Variants in BNC2 observed in about 807,000 individuals in gnomAD.
The protein encoded by BNC2 is zinc finger protein basonuclin-2.
A neutral mutation model predicts 76.3 loss-of-function variants in BNC2; 20 were observed. The observed-to-expected ratio is 0.26, with a 90% CI of 0.18 to 0.38. The LOEUF is 0.38. BNC2 is among the 10% of genes least tolerant of loss of function. The pLI is 1.00. For synonymous variants in BNC2, 582 were observed against 514.8 expected (o/e 1.13, Z -1.77); for missense variants, 1,382 against 1,399.8 (o/e 0.99, Z 0.20).
At chr9:16,731,581 A>C (rs184930184) in intron 2 of BNC2, among the ~76,000 whole-genome samples, 1 of 152,354 alleles carries the variant, frequency 6.6e-6, no homozygotes, top group African/African-American at 2.4e-5. Context: ...GATGTTGATG[A>C]TGTTTTAACG....
At chr9:16,803,759 A>C (rs1415322279) in intron 1 of BNC2, among the ~76,000 whole-genome samples, 1 of 152,200 alleles carries the variant, frequency 6.6e-6, no homozygotes, top group Non-Finnish European at 1.5e-5. Context: ...ATGAAATTGG[A>C]AGCACAGAAT....
At chr9:16,631,164 C>T (rs563345510) in intron 3 of BNC2, among the ~76,000 whole-genome samples, 2 of 152,146 alleles carry the variant, frequency 1.3e-5, no homozygotes, top group African/African-American at 4.8e-5. Flanking sequence ...ATCCTCTCCC[C>T]GATACCCAGT....
At chr9:16,736,762 C>T (rs1345907615) in intron 2 of BNC2, among the ~76,000 whole-genome samples, 1 of 151,396 alleles carries the variant, frequency 6.6e-6, no homozygotes, top group Non-Finnish European at 1.5e-5. Context: ...GTATGAGCCA[C>T]TGGGCCCGAC....
chr9:16,475,235 T>C (rs1162797607), intron 5 of BNC2, among the ~76,000 whole-genome samples: 2 of 152,258 alleles, frequency 1.3e-5, no homozygotes, highest in African/African-American at 2.4e-5. Context: ...ATGATCTTAC[T>C]GTACATATAA....
At chr9:16,451,902 G>A (rs1366896682) in intron 5 of BNC2, among the ~76,000 whole-genome samples, 1 of 152,162 alleles carries the variant, frequency 6.6e-6, no homozygotes, top group Non-Finnish European at 1.5e-5. Flanking sequence ...TAGGACTTGG[G>A]AGGCAGCTTA....
chr9:16,499,700 T>C (rs1822478753), intron 5 of BNC2, among the ~76,000 whole-genome samples: 1 of 151,764 alleles, frequency 6.6e-6, no homozygotes, highest in African/African-American at 2.4e-5. Context: ...TGGCTAACTT[T>C]TTGAATTTTT....
intron 4 of BNC2, among the ~76,000 whole-genome samples, chr9:16,582,421 G>A (rs530561072): frequency 9.9e-5 from 15 of 152,126 alleles, no homozygotes; most frequent in Admixed American, 6.5e-4. Context: ...CTCTACCTAC[G>A]TCGACCACCT....
chr9:16,455,715 C>T (rs1211520281), intron 5 of BNC2, among the ~76,000 whole-genome samples: 1 of 151,890 alleles, frequency 6.6e-6, no homozygotes, highest in Non-Finnish European at 1.5e-5. Flanking sequence ...TCGCTTGAAC[C>T]CAGGAGATGG....
At chr9:16,523,641 C>G (rs1817693665) in intron 5 of BNC2, among the ~76,000 whole-genome samples, 1 of 151,996 alleles carries the variant, frequency 6.6e-6, no homozygotes, top group Non-Finnish European at 1.5e-5. Flanking sequence ...TTAAAAGAAT[C>G]TTTTGGCCCA....
chr9:16,742,737 C>A (rs1304915033), intron 1 of BNC2, among the ~76,000 whole-genome samples: 1 of 152,144 alleles, frequency 6.6e-6, no homozygotes, highest in Non-Finnish European at 1.5e-5. Context: ...ATAAACAGGT[C>A]TCCCTACAGT....
chr9:16,479,179 G>A (rs1440701560), intron 5 of BNC2, among the ~76,000 whole-genome samples: 2 of 151,502 alleles, frequency 1.3e-5, no homozygotes, highest in Non-Finnish European at 2.9e-5. Context: ...TTGAATCTGG[G>A]AGGCGGAGGC....
intron 3 of BNC2, among the ~76,000 whole-genome samples, chr9:16,686,048 T>A (rs773720468): frequency 1.7e-4 from 25 of 151,340 alleles, no homozygotes; most frequent in African/African-American, 4.8e-4. Context: ...TGTAGGAATT[T>A]AAAAAAAAAT....
intron 3 of BNC2, among the ~76,000 whole-genome samples, chr9:16,725,253 G>A (rs1171227670): frequency 7.8e-6 from 1 of 127,600 alleles, no homozygotes; most frequent in South Asian, 2.9e-4. Context: ...ACACACACGT[G>A]CTGAATCAGC....
chr9:16,794,439 G>A (rs1234197314), intron 1 of BNC2, among the ~76,000 whole-genome samples: 1 of 152,182 alleles, frequency 6.6e-6, no homozygotes, highest in Non-Finnish European at 1.5e-5. Context: ...CAGCCACCTG[G>A]GAAGAGAGAG....
chr9:16,580,061 C>G (rs1819588461), intron 4 of BNC2: 2 of 398,304 alleles, frequency 5.0e-6, no homozygotes, highest in Non-Finnish European at 8.8e-6. Flanking sequence ...TGCCCCACAC[C>G]CAGGACACTG....
Position 16,436,519 on chromosome 9 carries a change from C to A in BNC2, c.1675G>T (p.Val559Leu). The stretch of plus-strand genomic sequence containing the variant: ...TGTACAGTCTTTAGCCCAGAAAATA[C>A]TAGCTGGCTAGGGAGAGGATTTTGC... Reference protein sequence around the residue: ...VLQNPLPSQLVFSGLKTVQPV... With the variant: ...VLQNPLPSQLLFSGLKTVQPV... The change falls in exon 6 of 7, where the codon GTA becomes TTA. Residue 559 changes from valine (V) to leucine (L), a missense_variant. Transcript: ENST00000380672. 1 of 1,614,104 alleles carries A rather than the reference C, an allele frequency of 6.2e-7. No homozygotes were observed. The highest frequency in any genetic ancestry group is 8.5e-7 in the Non-Finnish European group (1 of 1,180,028).
At chr9:16,741,963 A>AAG (rs1824864665) in intron 1 of BNC2, among the ~76,000 whole-genome samples, 1 of 150,686 alleles carries the variant, frequency 6.6e-6, no homozygotes, top group Non-Finnish European at 1.5e-5. Flanking sequence ...ATCTCAAAAA[A>AAG]AAAAAAAAAA....
At chr9:16,612,093 A>C (rs1036876393) in intron 3 of BNC2, among the ~76,000 whole-genome samples, 16 of 151,726 alleles carry the variant, frequency 1.1e-4, no homozygotes, top group Non-Finnish European at 7.4e-5. Context: ...AAAAAAAAAA[A>C]CCTCTAAGCT....
rs536270141 is a variant in BNC2, at chr9:16,701,151, C to A, written c.330+26646G>T. ...CCTAGGAGAGGCTTAAAAGATGGGACTGTGGCTCTATCTCTTTTCATCTAG... is the reference window on the plus strand; with the variant it reads ...CCTAGGAGAGGCTTAAAAGATGGGAATGTGGCTCTATCTCTTTTCATCTAG... On this transcript the variant is annotated intron_variant, in intron 3 of 6. Coordinates refer to ENST00000380672, the MANE Select transcript of BNC2 (RefSeq NM_017637.6). Among the ~76,000 whole-genome samples, 61 of 152,272 alleles carry A rather than the reference C, an allele frequency of 4.0e-4. No individual in the cohort carries two copies. In the South Asian group the frequency reaches 0.012, roughly 29 times the overall value.
Sources: gnomAD v4.1 joint callset for allele counts (sites outside exome capture counted in the v4.1 genomes callset) on GRCh38, gnomAD v4.1.1 for gene constraint, MANE v1.5 for transcripts, NCBI Gene and HGNC (gene_info 2026-07-23, HGNC 2026-07-21) for gene names.